The following UGT2B4 variants were observed in gnomAD, a reference collection of about 807,000 sequenced individuals.
UGT2B4 encodes the protein UDP glucuronosyltransferase family 2 member B4, also known as UDP-glucuronosyltransferase 2B4.
A neutral mutation model predicts 49.8 loss-of-function variants in UGT2B4; 49 were observed. The ratio of observed to expected loss-of-function variants is 0.98; its 90% confidence interval spans 0.78 to 1.25. The LOEUF (loss-of-function observed/expected upper bound fraction) is 1.25, where lower values mean the gene tolerates loss of function less well. Among genes scored for constraint, UGT2B4 ranks in the 50% most tolerant of loss-of-function variants. The probability of loss-of-function intolerance (pLI) is 0.00; values close to 1 mark genes in which losing one functional copy is unlikely to be tolerated. For synonymous variants in UGT2B4, 246 were observed against 217.7 expected (o/e 1.13, Z -1.14); for missense variants, 729 against 627.7 (o/e 1.16, Z -1.73).
At chr4:69,521,288 C>T (rs1230591962) in intron 1 of UGT2B4, among the ~76,000 whole-genome samples, 1 of 152,158 alleles carries the variant, frequency 6.6e-6, no homozygotes, top group Non-Finnish European at 1.5e-5. Flanking sequence ...TTGCAGGTGA[C>T]AAGAAAGAAG....
At chr4:69,489,333 C>T (rs1054860013) in intron 3 of UGT2B4, 106 bp downstream of exon 3, 2 of 1,458,498 alleles carry the variant, frequency 1.4e-6, no homozygotes, top group Non-Finnish European at 9.3e-7. Context: ...TTAGTGCTTT[C>T]CCAACAGCTG....
At chr4:69,510,826 C>T (rs964791326) in intron 1 of UGT2B4, among the ~76,000 whole-genome samples, 2 of 152,042 alleles carry the variant, frequency 1.3e-5, no homozygotes, top group South Asian at 2.1e-4. Flanking sequence ...CTAATGGTTT[C>T]AGCTGGTACT....
upstream of UGT2B4, among the ~76,000 whole-genome samples, chr4:69,498,504 CTTT>C (rs112691314): frequency 9.9e-5 from 14 of 141,398 alleles, no homozygotes; most frequent in African/African-American, 2.8e-4. Context: ...TGATTTTGGG[CTTT>C]TTTTTTTTTT....
Position 69,485,447 on chromosome 4 carries a change from A to G in UGT2B4, c.1091-20T>C. On this transcript the variant is annotated intron_variant, in intron 4 of 5. Transcript: ENST00000305107. Reference sequence around the variant, plus strand: ...GGTGACCTAGGATTGGATGAATTTTAGCAAAATTATTCATAGGAATAAAAT... The same window carrying G: ...GGTGACCTAGGATTGGATGAATTTTGGCAAAATTATTCATAGGAATAAAAT... 6.2e-7 allele frequency: 1 copy of G among 1,613,158 alleles called. No homozygotes were observed. The highest frequency in any genetic ancestry group is 8.5e-7 in the Non-Finnish European group (1 of 1,179,392).
At chr4:69,520,884 G>A (rs1282924011) in intron 1 of UGT2B4, among the ~76,000 whole-genome samples, 5 of 152,144 alleles carry the variant, frequency 3.3e-5, no homozygotes, top group Admixed American at 3.3e-4. Context: ...TTCAAGCTAG[G>A]GGCACCCTAA....
At chr4:69,505,214 C>T (rs1177985317) in intron 1 of UGT2B4, among the ~76,000 whole-genome samples, 2 of 151,780 alleles carry the variant, frequency 1.3e-5, no homozygotes, top group Admixed American at 1.3e-4. Flanking sequence ...ATCAAATCCA[C>T]ACATATCAAT....
intron 1 of UGT2B4, among the ~76,000 whole-genome samples, chr4:69,519,265 C>T (rs1577905500): frequency 6.6e-6 from 1 of 152,020 alleles, no homozygotes; most frequent in Admixed American, 6.6e-5. Context: ...CATATAAAAG[C>T]AAAACTTTAA....
intron 1 of UGT2B4, among the ~76,000 whole-genome samples, chr4:69,504,195 C>T (rs1284258878): frequency 6.6e-6 from 1 of 152,150 alleles, no homozygotes; most frequent in Admixed American, 6.5e-5. Flanking sequence ...ATCACCTCTC[C>T]AGCAAAGGTT....
intron 1 of UGT2B4, among the ~76,000 whole-genome samples, chr4:69,504,506 T>C (rs1367374823): frequency 6.6e-6 from 1 of 152,020 alleles, no homozygotes; most frequent in African/African-American, 2.4e-5. Context: ...TCTCAGAGCT[T>C]GAAGACTGGC....
intron 1 of UGT2B4, among the ~76,000 whole-genome samples, chr4:69,522,676 C>G (rs1032894666): frequency 5.9e-5 from 9 of 152,250 alleles, no homozygotes; most frequent in Admixed American, 3.3e-4. Flanking sequence ...AGAGTGGTTT[C>G]TAAAGATTGA....
In UGT2B4 at chr4:69,495,123, A is replaced by G; in HGVS notation, c.721+18T>C. On this transcript the variant is annotated intron_variant, in intron 1 of 5. Transcript: ENST00000305107. ...AGAAAGTTAGATCTTCATGTTACCA[A>G]TCAAAAAAGTTACTTACCTAGAACT... 6.6e-7 allele frequency: 1 copy of G among 1,508,672 alleles called. No homozygotes were observed. The highest frequency in any genetic ancestry group is 8.8e-7 in the Non-Finnish European group (1 of 1,132,868). The allele number at this position is 1,508,672 out of a possible 1,614,324, so 93.5% of individuals were successfully genotyped here. A position where few individuals can be genotyped will look rare whatever the true frequency, so the allele number is the denominator to read the frequency against.
chr4:69,519,449 C>T (rs1728800076), intron 1 of UGT2B4, among the ~76,000 whole-genome samples: 1 of 151,994 alleles, frequency 6.6e-6, no homozygotes, highest in African/African-American at 2.4e-5. Flanking sequence ...AAAAAGGCAG[C>T]GTTTTAAGAT....
chr4:69,523,540 C>A (rs1401620296), intron 1 of UGT2B4, among the ~76,000 whole-genome samples: 1 of 131,474 alleles, frequency 7.6e-6, no homozygotes, highest in Non-Finnish European at 1.7e-5. Flanking sequence ...GTAAATCATG[C>A]TATAAACGGA....
rs764831293 is a variant in UGT2B4 at position 69,495,862 on chromosome 4, C to G, written c.-1G>C. 11 of 1,581,592 alleles carry G rather than the reference C, an allele frequency of 7.0e-6. 1 individual carries two copies. The South Asian group carries it at 1.3e-4, about 19-fold the overall frequency. On this transcript the variant is annotated 5_prime_UTR_variant, in exon 1 of 6. Coordinates refer to ENST00000305107, the MANE Select transcript of UGT2B4 (RefSeq NM_021139.3). ...GAGCTGAAGTCCATTTCATAGACAT[C>G]CTGATGCAATGCAATGCTTGTTTTC...
At chr4:69,502,511 T>A (rs180838570) in intron 1 of UGT2B4, among the ~76,000 whole-genome samples, 9 of 152,134 alleles carry the variant, frequency 5.9e-5, no homozygotes, top group African/African-American at 1.9e-4. Flanking sequence ...CTTCAGGTAC[T>A]GGAAAATCTG....
chr4:69,510,147 G>A (rs1728571497), intron 1 of UGT2B4, among the ~76,000 whole-genome samples: 1 of 152,130 alleles, frequency 6.6e-6, no homozygotes, highest in South Asian at 2.1e-4. Context: ...TCTTGTTGAA[G>A]ATCAGTTGAC....
intron 1 of UGT2B4, among the ~76,000 whole-genome samples, chr4:69,509,170 ATT>A (rs3075675): frequency 8.4e-5 from 10 of 119,756 alleles, no homozygotes; most frequent in African/African-American, 2.5e-4. Flanking sequence ...TGGAATTTCT[ATT>A]TTTTTTTTTT....
intron 1 of UGT2B4, among the ~76,000 whole-genome samples, chr4:69,510,582 C>G (rs1394063133): frequency 6.6e-6 from 1 of 151,960 alleles, no homozygotes; most frequent in Non-Finnish European, 1.5e-5. Flanking sequence ...TTTCTATATA[C>G]TTGTTTCTGT....
intron 1 of UGT2B4, among the ~76,000 whole-genome samples, chr4:69,502,823 G>A (rs887884992): frequency 1.6e-4 from 24 of 152,228 alleles, no homozygotes; most frequent in African/African-American, 5.8e-4. Context: ...CCCCCAACAA[G>A]CTCCAGTTGG....
Sources: gnomAD v4.1 joint callset for allele counts (sites outside exome capture counted in the v4.1 genomes callset) on GRCh38, gnomAD v4.1.1 for gene constraint, MANE v1.5 for transcripts, NCBI Gene and HGNC (gene_info 2026-07-23, HGNC 2026-07-21) for gene names.